Variants in NR5A2 observed in about 807,000 individuals in gnomAD.
NR5A2 encodes the protein CYP7A promoter-binding factor.
NR5A2 carries 26 observed loss-of-function variants against 62.7 expected under a neutral mutation model. The observed-to-expected ratio is 0.41, with a 90% CI of 0.30 to 0.58. NR5A2 has a LOEUF of 0.58. Ranked by LOEUF, NR5A2 falls within the 20% of genes least tolerant of loss-of-function variation. NR5A2 has a pLI of 0.22. For missense variants in NR5A2, 541 were observed against 669.1 expected (o/e 0.81, Z 2.11); for synonymous variants, 246 against 241.7 (o/e 1.02, Z -0.16).
chr1:200,148,906 C>T (rs1472097211), intron 7 of NR5A2, among the ~76,000 whole-genome samples: 1 of 125,254 alleles, frequency 8.0e-6, no homozygotes, highest in Non-Finnish European at 1.7e-5. Flanking sequence ...GCATGCGGTA[C>T]TTTTTTTTTT....
Position 200,147,487 on chromosome 1 carries a change from G to C in NR5A2, c.1379-26476G>C. 1.6e-6 allele frequency: 1 copy of C among 625,742 alleles called. No individual in the cohort carries two copies. The highest frequency in any genetic ancestry group is 1.4e-5 in the South Asian group (1 of 72,648). 38.8% of individuals were successfully genotyped at this position (625,742 alleles called of 1,614,324 possible). A position where few individuals can be genotyped will look rare whatever the true frequency, so the allele number is the denominator to read the frequency against. ...AGCTCTTTGAGGCAAGGGACAATTT[G>C]ATCTGTTTCTTCATCCTTAAAATTT... On this transcript the variant is annotated intron_variant, in intron 7 of 7. Transcript: ENST00000367362. This position sits in a 1 kb window ranked among gnomAD's most constrained non-coding sequence, Gnocchi z 4.9.
intron 5 of NR5A2, among the ~76,000 whole-genome samples, chr1:200,061,115 C>T (rs1325576308): frequency 5.5e-5 from 6 of 109,550 alleles, no homozygotes; most frequent in Non-Finnish European, 8.5e-5. Context: ...AGCAAAACTC[C>T]GTCTCAAAAA....
chr1:200,139,756 T>G (rs534707263), intron 7 of NR5A2, among the ~76,000 whole-genome samples: 1 of 152,344 alleles, frequency 6.6e-6, no homozygotes, highest in South Asian at 2.1e-4. Flanking sequence ...ACAGCCATAG[T>G]TGTATTTGTG....
chr1:200,132,518 T>C (rs1194594112), intron 7 of NR5A2, among the ~76,000 whole-genome samples: 1 of 152,230 alleles, frequency 6.6e-6, no homozygotes, highest in Non-Finnish European at 1.5e-5. Flanking sequence ...TCCACACACA[T>C]GCTATTCTCC....
chr1:200,169,877 G>A (rs917358052), intron 7 of NR5A2, among the ~76,000 whole-genome samples: 3 of 152,130 alleles, frequency 2.0e-5, no homozygotes, highest in Non-Finnish European at 4.4e-5. Context: ...TCAAAGGAAC[G>A]CACAGAGTGC....
Position 200,048,065 on chromosome 1 carries a change from A to T in NR5A2, c.464-107A>T. 4 of 1,077,460 alleles carry T rather than the reference A, an allele frequency of 3.7e-6. No individual in the cohort carries two copies. The highest frequency in any genetic ancestry group is 5.4e-6 in the Non-Finnish European group (4 of 746,312). The allele number at this position is 1,077,460 out of a possible 1,614,324, so 66.7% of individuals were successfully genotyped here. On this transcript the variant is annotated intron_variant, in intron 4 of 7. Transcript: ENST00000367362. The surrounding 1 kb of genome is among the most constrained non-coding windows in gnomAD (Gnocchi z 4.8). ...GGGCTATTGTAACGAAAACAACCAC[A>T]CACATACCACTTCTTGTCGATTTAC...
chr1:200,034,353 G>T (rs893711946), intron 1 of NR5A2, among the ~76,000 whole-genome samples: 5 of 152,074 alleles, frequency 3.3e-5, no homozygotes, highest in African/African-American at 1.2e-4. Flanking sequence ...ACCTACCCGA[G>T]ATTATTTCCC....
At chr1:200,155,228 C>T (rs1037718654) in intron 7 of NR5A2, among the ~76,000 whole-genome samples, 17 of 146,292 alleles carry the variant, frequency 1.2e-4, no homozygotes, top group African/African-American at 4.4e-4. Context: ...CCATAATAAT[C>T]ACATCAGATA....
intron 7 of NR5A2, among the ~76,000 whole-genome samples, chr1:200,156,254 T>C (rs1393788519): frequency 6.6e-6 from 1 of 152,182 alleles, no homozygotes; most frequent in African/African-American, 2.4e-5. Flanking sequence ...CCCACAGTTG[T>C]GGGAACGTCA....
At chr1:200,075,553 C>T (rs916803256) in intron 5 of NR5A2, among the ~76,000 whole-genome samples, 2 of 152,182 alleles carry the variant, frequency 1.3e-5, no homozygotes, top group African/African-American at 4.8e-5. Context: ...AACTAAGTGC[C>T]ACACAGAGAA....
chr1:200,065,556 C>T (rs1039859887), intron 5 of NR5A2, among the ~76,000 whole-genome samples: 1 of 152,198 alleles, frequency 6.6e-6, no homozygotes, highest in African/African-American at 2.4e-5. Flanking sequence ...GCAGTCTAGC[C>T]CAGTGTGCCT....
chr1:200,150,683 A>G (rs1232845892), intron 7 of NR5A2, among the ~76,000 whole-genome samples: 1 of 152,198 alleles, frequency 6.6e-6, no homozygotes, highest in African/African-American at 2.4e-5. Context: ...AGATCATAAG[A>G]TATCACACCA....
Position 200,147,583 on chromosome 1 carries a change from C to G in NR5A2, c.1379-26380C>G, listed in dbSNP as rs776447675. On this transcript the variant is annotated intron_variant, in intron 7 of 7. Transcript: ENST00000367362. This position sits in a 1 kb window ranked among gnomAD's most constrained non-coding sequence, Gnocchi z 4.9. ...TGTGCTTAAAGCGATCTCCTCTACA[C>G]GAACGCTAGGGCAGAGCACATTTTC... 1 of 713,446 alleles carries G rather than the reference C, an allele frequency of 1.4e-6. No individual in the cohort carries two copies. Among genetic ancestry groups the G allele is most frequent in the Non-Finnish European group, 2.6e-6 (1 of 384,146 alleles). The allele number at this position is 713,446 out of a possible 1,614,324, so 44.2% of individuals were successfully genotyped here. A position where few individuals can be genotyped will look rare whatever the true frequency, so the allele number is the denominator to read the frequency against.
At chr1:200,104,009 AAAAG>A (rs1665521530) in intron 5 of NR5A2, among the ~76,000 whole-genome samples, 1 of 152,190 alleles carries the variant, frequency 6.6e-6, no homozygotes, top group Non-Finnish European at 1.5e-5. Context: ...GTGGGAATAG[AAAAG>A]AGAGAGTCCA....
chr1:200,039,278 C>T lies in NR5A2; in HGVS notation c.65-380C>T, dbSNP rs747807645. On this transcript the variant is annotated intron_variant, in intron 1 of 7. Coordinates refer to ENST00000367362, the MANE Select transcript of NR5A2 (RefSeq NM_205860.3). This position sits in a 1 kb window ranked among gnomAD's most constrained non-coding sequence, Gnocchi z 5.1. Reference sequence around the variant, plus strand: ...AGGGGAAGGAGTCGCCCGAGCCGTCCGGGAGCAGTGGCAGCGGCACAGCCG... The same window carrying T: ...AGGGGAAGGAGTCGCCCGAGCCGTCTGGGAGCAGTGGCAGCGGCACAGCCG... Among the ~76,000 whole-genome samples, 4 of 152,156 alleles carry T rather than the reference C, an allele frequency of 2.6e-5. No individual in the cohort carries two copies. In the South Asian group the frequency reaches 6.2e-4, roughly 24 times the overall value.
intron 6 of NR5A2, among the ~76,000 whole-genome samples, chr1:200,117,077 G>A (rs1297303494): frequency 6.6e-6 from 1 of 152,124 alleles, no homozygotes; most frequent in Admixed American, 6.5e-5. Context: ...TTTTCATGAT[G>A]AGTGAAATTT....
intron 5 of NR5A2, among the ~76,000 whole-genome samples, chr1:200,104,278 A>G (rs374832928): frequency 6.6e-6 from 1 of 152,196 alleles, no homozygotes; most frequent in African/African-American, 2.4e-5. Flanking sequence ...GTTCTCTTGT[A>G]CAGTAGTGTT....
intron 6 of NR5A2, among the ~76,000 whole-genome samples, chr1:200,114,787 A>AT (rs1254207313): frequency 1.3e-5 from 2 of 152,200 alleles, no homozygotes; most frequent in African/African-American, 4.8e-5. Flanking sequence ...GAAGTGGTTG[A>AT]TTCAAGGTCA....
Position 200,174,221 on chromosome 1 carries a change from C to G in NR5A2, c.*11C>G. 1 of 1,534,316 alleles carries G rather than the reference C, an allele frequency of 6.5e-7. No homozygotes were observed. The highest frequency in any genetic ancestry group is 8.8e-7 in the Non-Finnish European group (1 of 1,139,390). On this transcript the variant is annotated 3_prime_UTR_variant, in exon 8 of 8. Transcript: ENST00000367362. ...GCCAAAAGAGCATAAGTTACAACCCCTAGGAGCTCTGCTTTCAAAACAAAA... is the reference window on the plus strand; with the variant it reads ...GCCAAAAGAGCATAAGTTACAACCCGTAGGAGCTCTGCTTTCAAAACAAAA...
Sources: gnomAD v4.1 joint callset for allele counts (sites outside exome capture counted in the v4.1 genomes callset) on GRCh38, gnomAD v4.1.1 for gene constraint, Gnocchi (gnomAD v3.1) non-coding constraint, MANE v1.5 for transcripts, NCBI Gene and HGNC (gene_info 2026-07-23, HGNC 2026-07-21) for gene names.